Variants in COL27A1 observed in about 807,000 individuals in gnomAD.
The protein encoded by COL27A1 is collagen type XXVII alpha 1 chain.
In COL27A1, 106 loss-of-function variants were observed where a neutral mutation model predicts 251.3. The ratio of observed to expected loss-of-function variants is 0.42; its 90% CI spans 0.36 to 0.50. The LOEUF (loss-of-function observed/expected upper bound fraction) is 0.50. Ranked by LOEUF, COL27A1 falls within the 20% of genes least tolerant of loss-of-function variation. COL27A1 has a pLI of 0.00. For missense variants in COL27A1, 2,325 were observed against 2,522.8 expected (o/e 0.92, Z 1.68); for synonymous variants, 1,000 against 986.3 (o/e 1.01, Z -0.26).
chr9:114,279,513 C>T (rs1295757649), intron 37 of COL27A1, among the ~76,000 whole-genome samples: 1 of 152,112 alleles, frequency 6.6e-6, no homozygotes, highest in Non-Finnish European at 1.5e-5. Flanking sequence ...TTCTAGTAGC[C>T]ACCTTTAAAA....
At chr9:114,241,445 G>T (rs1466774679) in intron 21 of COL27A1, among the ~76,000 whole-genome samples, 3 of 152,242 alleles carry the variant, frequency 2.0e-5, no homozygotes, top group Non-Finnish European at 4.4e-5. Flanking sequence ...GGTGTCTCTG[G>T]AGGGAGCCCC....
chr9:114,209,612 G>T, intron 10 of COL27A1, 63 bp from the exon 11 acceptor site: 2 of 1,482,324 alleles, frequency 1.3e-6, no homozygotes, highest in Non-Finnish European at 1.9e-6. Context: ...GTGGGCTGCG[G>T]CAGGTTGGGC....
chr9:114,233,311 A>G (rs1410948704), intron 16 of COL27A1, among the ~76,000 whole-genome samples: 1 of 152,156 alleles, frequency 6.6e-6, no homozygotes. Flanking sequence ...ACATCTCCAG[A>G]TTGTTTTACT....
rs1388095 is a variant in COL27A1, at chr9:114,307,715, C to T, written c.5154C>T (p.Ile1718=). The T allele has an allele frequency of 0.02, 32,600 of 1,614,040 alleles. 879 individuals are homozygous for T. Among genetic ancestry groups the T allele is most frequent in the Admixed American group, 0.13 (7,840 of 60,004 alleles). ...DPNLGCSSDT[I]EVSCNFTHGG... Reference sequence around the variant, plus strand: ...ACCTTGGCTGCTCCTCTGACACCATCGAGGTCTCCTGCAACTTCACTCATG... The same window carrying T: ...ACCTTGGCTGCTCCTCTGACACCATTGAGGTCTCCTGCAACTTCACTCATG... Residue 1718 remains isoleucine (I), a synonymous_variant, in exon 59 of 61, where the codon ATC becomes ATT. Coordinates refer to ENST00000356083, the MANE Select transcript of COL27A1 (RefSeq NM_032888.4).
intron 49 of COL27A1, among the ~76,000 whole-genome samples, chr9:114,293,169 T>C (rs10817585): frequency 0.34 from 51,231 of 152,080 alleles, 9,155 homozygotes; most frequent in East Asian, 0.6. Context: ...TCAGAACATT[T>C]ACCAAGACAG....
chr9:114,301,737 G>A lies in COL27A1; in HGVS notation c.4845+20G>A, dbSNP rs377181089. 7 of 1,611,090 alleles carry A rather than the reference G, an allele frequency of 4.3e-6. No homozygotes were observed. Among genetic ancestry groups the A allele is most frequent in the Admixed American group, 3.3e-5 (2 of 59,780 alleles). ...CCCCCGGTAGGTAACTGAGTGCTGG[G>A]TGCATCTTGGACTCCTGGGGGGTTC... On this transcript the variant is annotated intron_variant, in intron 55 of 60. Coordinates refer to ENST00000356083, the MANE Select transcript of COL27A1 (RefSeq NM_032888.4).
At chr9:114,185,948 AAG>A (rs1465661091) in intron 5 of COL27A1, among the ~76,000 whole-genome samples, 1 of 152,192 alleles carries the variant, frequency 6.6e-6, no homozygotes, top group African/African-American at 2.4e-5. Context: ...AAGACCAAGA[AAG>A]AGAGAAAGCA....
chr9:114,185,645 AC>A (rs1467416491), intron 5 of COL27A1, among the ~76,000 whole-genome samples: 1 of 152,192 alleles, frequency 6.6e-6, no homozygotes, highest in Admixed American at 6.5e-5. Flanking sequence ...ACCTGGTGGG[AC>A]TGTAGGGCTG....
chr9:114,154,177 G>A (rs1341268916), upstream of COL27A1, among the ~76,000 whole-genome samples: 1 of 152,036 alleles, frequency 6.6e-6, no homozygotes, highest in Non-Finnish European at 1.5e-5. This position sits in a 1 kb window ranked among gnomAD's most constrained non-coding sequence, Gnocchi z 5.8. Context: ...GAGCGCAGGC[G>A]GACCGGGTCG....
rs757449020 is a variant in COL27A1, at chr9:114,300,126, A to G, written c.4638+3A>G. On this transcript the variant is annotated splice_donor_region_variant and intron_variant, in intron 50 of 60. Transcript: ENST00000356083. Reference sequence around the variant, plus strand: ...TGGCAGGTCTCTTCGGACCCAAGGTATGGACTCCCACGGCTCACTGTTCCT... The same window carrying G: ...TGGCAGGTCTCTTCGGACCCAAGGTGTGGACTCCCACGGCTCACTGTTCCT... 1.7e-5 allele frequency: 27 copies of G among 1,613,892 alleles called. No individual in the cohort carries two copies. In the Admixed American group the frequency reaches 3.5e-4, roughly 21 times the overall value.
At chr9:114,181,265 G>A (rs1328565685) in intron 4 of COL27A1, among the ~76,000 whole-genome samples, 1 of 152,176 alleles carries the variant, frequency 6.6e-6, no homozygotes, top group Admixed American at 6.5e-5. Context: ...GGACTGCAGG[G>A]GAGGGCAGGA....
chr9:114,210,816 C>T (rs546463992), intron 11 of COL27A1, among the ~76,000 whole-genome samples, 166 bp from the exon 12 acceptor site: 6 of 152,364 alleles, frequency 3.9e-5, no homozygotes, highest in Admixed American at 6.5e-5. Context: ...AGACCCCGAC[C>T]CTGCCATCCG....
chr9:114,248,421 C>T (rs1833293861), intron 24 of COL27A1, among the ~76,000 whole-genome samples: 1 of 152,196 alleles, frequency 6.6e-6, no homozygotes, highest in Non-Finnish European at 1.5e-5. Flanking sequence ...AGACAATGGC[C>T]CTTTATCTGT....
intron 7 of COL27A1, among the ~76,000 whole-genome samples, chr9:114,203,963 C>T (rs958546031): frequency 1.3e-5 from 2 of 152,060 alleles, no homozygotes; most frequent in Non-Finnish European, 2.9e-5. Context: ...GAGCCCAGCT[C>T]ATCTGACTGT....
chr9:114,260,253 C>T (rs1165011531), intron 28 of COL27A1, among the ~76,000 whole-genome samples: 1 of 152,238 alleles, frequency 6.6e-6, no homozygotes, highest in African/African-American at 2.4e-5. Context: ...GGCTTCCAAC[C>T]TCGTCAGTGT....
At chr9:114,283,819 C>G in intron 40 of COL27A1, 57 bp downstream of exon 40, 1 of 1,568,040 alleles carries the variant, frequency 6.4e-7, no homozygotes, top group Non-Finnish European at 8.8e-7. Context: ...CCTGGAAACA[C>G]AGGCCCATGC....
At chr9:114,240,653 C>T (rs945013385) in intron 21 of COL27A1, among the ~76,000 whole-genome samples, 166 bp downstream of exon 21, 2 of 152,198 alleles carry the variant, frequency 1.3e-5, no homozygotes, top group African/African-American at 4.8e-5. Flanking sequence ...TACAGCCCTG[C>T]CCCGTGCCCC....
chr9:114,258,974 A>C (rs1413540519), intron 28 of COL27A1, among the ~76,000 whole-genome samples: 1 of 152,262 alleles, frequency 6.6e-6, no homozygotes, highest in African/African-American at 2.4e-5. Context: ...CCAGTCAACA[A>C]GTGAATCAAA....
At chr9:114,196,376 C>T (rs1220098233) in intron 7 of COL27A1, among the ~76,000 whole-genome samples, 5 of 152,146 alleles carry the variant, frequency 3.3e-5, no homozygotes, top group South Asian at 2.1e-4. Flanking sequence ...TCTGAGAGGC[C>T]GTGGGCCTGC....
Sources: gnomAD v4.1 joint callset for allele counts (sites outside exome capture counted in the v4.1 genomes callset) on GRCh38, gnomAD v4.1.1 for gene constraint, Gnocchi (gnomAD v3.1) non-coding constraint, MANE v1.5 for transcripts, NCBI Gene and HGNC (gene_info 2026-07-23, HGNC 2026-07-21) for gene names.